BMAL2: variants seen among roughly 807,000 people sequenced by gnomAD.
The protein encoded by BMAL2 is basic helix-loop-helix ARNT-like protein 2.
At chr12:27,402,597 C>T in the BMAL2 span, 4 of 1,594,366 alleles carry the variant, frequency 2.5e-6, no homozygotes, top group Admixed American at 3.4e-5. Flanking sequence ...AAGTAAATCA[C>T]CTATGGTGTT....
At chr12:27,401,304 C>T in the BMAL2 span, 1 of 1,613,994 alleles carries the variant, frequency 6.2e-7, no homozygotes, top group Non-Finnish European at 8.5e-7. Flanking sequence ...TTGGGAACTT[C>T]TTGTTATGAA....
At chr12:27,385,413 C>A in the BMAL2 span, 1 of 935,980 alleles carries the variant, frequency 1.1e-6, no homozygotes, top group Admixed American at 1.9e-5. Flanking sequence ...AGCAGCATTG[C>A]TAATGTTCAT....
chr12:27,382,300 C>G, the BMAL2 span, among the ~76,000 whole-genome samples: 1 of 152,154 alleles, frequency 6.6e-6, no homozygotes, highest in Admixed American at 6.5e-5. Context: ...TCGACTAGTT[C>G]AACAAAACAT....
chr12:27,350,337 C>T, the BMAL2 span, among the ~76,000 whole-genome samples: 1 of 152,226 alleles, frequency 6.6e-6, no homozygotes, highest in Non-Finnish European at 1.5e-5. Context: ...CGTCTGTAGG[C>T]AGGTGATGCT....
chr12:27,342,660 T>G, the BMAL2 span, among the ~76,000 whole-genome samples: 3 of 152,262 alleles, frequency 2.0e-5, no homozygotes, highest in African/African-American at 7.2e-5. Context: ...AGCTCCCTGG[T>G]TGGAGAATTA....
At chr12:27,351,134 G>A in the BMAL2 span, among the ~76,000 whole-genome samples, 4 of 151,850 alleles carry the variant, frequency 2.6e-5, no homozygotes, top group Non-Finnish European at 4.4e-5. Context: ...GACTACAGGT[G>A]TGTGCCACCA....
the BMAL2 span, chr12:27,389,065 CTTTGAGCTTG>C: frequency 2.5e-6 from 2 of 788,270 alleles, no homozygotes; most frequent in South Asian, 3.0e-5. Flanking sequence ...GTGGACATAT[CTTTGAGCTTG>C]AGAAAAATCA....
the BMAL2 span, among the ~76,000 whole-genome samples, chr12:27,379,081 T>C: frequency 2.0e-5 from 3 of 152,270 alleles, no homozygotes; most frequent in South Asian, 6.2e-4. Flanking sequence ...TGAATTTGTG[T>C]TGGGCTGCAT....
At chr12:27,339,774 G>A in the BMAL2 span, among the ~76,000 whole-genome samples, 4 of 151,992 alleles carry the variant, frequency 2.6e-5, no homozygotes, top group South Asian at 2.1e-4. Flanking sequence ...ACAGGTGCAC[G>A]CCGCCATAAT....
At chr12:27,365,125 G>A in the BMAL2 span, among the ~76,000 whole-genome samples, 8 of 151,568 alleles carry the variant, frequency 5.3e-5, no homozygotes, top group African/African-American at 1.9e-4. Flanking sequence ...CCTTTTTCTT[G>A]CCTTACCCTA....
the BMAL2 span, among the ~76,000 whole-genome samples, chr12:27,342,744 C>T: frequency 2.5e-3 from 375 of 152,320 alleles, 2 homozygotes; most frequent in African/African-American, 8.7e-3. Context: ...AACAATATTG[C>T]ATTGTAGGTA....
the BMAL2 span, among the ~76,000 whole-genome samples, chr12:27,385,294 A>G: frequency 6.6e-6 from 1 of 152,226 alleles, no homozygotes. Context: ...AGCCTGGGCA[A>G]CAGAGTAAGA....
the BMAL2 span, among the ~76,000 whole-genome samples, chr12:27,374,524 C>T: frequency 6.6e-6 from 1 of 152,082 alleles, no homozygotes; most frequent in Admixed American, 6.6e-5. Context: ...TGCTGAGGGA[C>T]AATTATATAT....
the BMAL2 span, among the ~76,000 whole-genome samples, chr12:27,372,483 G>T: frequency 6.6e-6 from 1 of 152,086 alleles, no homozygotes; most frequent in Non-Finnish European, 1.5e-5. Flanking sequence ...ACAAATACCC[G>T]TTTTAGTCCT....
At chr12:27,420,850 GT>G in the BMAL2 span, 5 of 195,742 alleles carry the variant, frequency 2.6e-5, no homozygotes, top group Non-Finnish European at 3.1e-5. Context: ...TTTTGATGCA[GT>G]TTTTTTTAGT....
the BMAL2 span, chr12:27,401,338 T>C: frequency 6.2e-7 from 1 of 1,614,044 alleles, no homozygotes; most frequent in Non-Finnish European, 8.5e-7. Flanking sequence ...ATGACCACAA[T>C]AATTTGACTG....
At chr12:27,357,183 T>C in the BMAL2 span, among the ~76,000 whole-genome samples, 1 of 152,228 alleles carries the variant, frequency 6.6e-6, no homozygotes, top group East Asian at 1.9e-4. Flanking sequence ...TTCCATATTT[T>C]TGCAATTGTG....
the BMAL2 span, chr12:27,387,451 A>AGAG: frequency 6.2e-6 from 4 of 648,330 alleles, no homozygotes; most frequent in Non-Finnish European, 1.1e-5. Flanking sequence ...TAGAACTCCA[A>AGAG]GAGAGATGGA....
the BMAL2 span, among the ~76,000 whole-genome samples, chr12:27,370,419 C>T: frequency 3.6e-4 from 55 of 152,212 alleles, no homozygotes; most frequent in South Asian, 8.3e-4. Context: ...TGTCAAAGTA[C>T]GTGGTGCTGA....
Sources: allele counts gnomAD v4.1 joint callset (sites outside exome capture counted in the v4.1 genomes callset), GRCh38; gene constraint gnomAD v4.1.1; transcripts MANE v1.5; gene names NCBI Gene and HGNC (gene_info 2026-07-23, HGNC 2026-07-21).